The following CCDC126 variants were observed in gnomAD, a reference collection of about 807,000 sequenced individuals.
The protein encoded by CCDC126 is coiled-coil domain containing 126.
A neutral mutation model predicts 11.7 loss-of-function variants in CCDC126; 5 were observed. The ratio of observed to expected loss-of-function variants is 0.43; its 90% CI spans 0.22 to 0.90. The LOEUF (loss-of-function observed/expected upper bound fraction) is 0.90. Among genes scored for constraint, CCDC126 ranks in the 40% least tolerant of loss-of-function variants. The pLI is 0.27. For synonymous variants in CCDC126, 60 were observed against 61.9 expected, an observed-to-expected ratio of 0.97 and a Z score of 0.14; for missense variants, 150 against 163.1, an observed-to-expected ratio of 0.92 and a Z score of 0.44.
intron 3 of CCDC126, among the ~76,000 whole-genome samples, chr7:23,637,474 G>GT: frequency 1.0e-5 from 1 of 98,262 alleles, no homozygotes; most frequent in Non-Finnish European, 2.0e-5. Context: ...CATCCGGGAG[G>GT]GAGGTGGGGG....
At chr7:23,606,932 A>T (rs557479036) in intron 2 of CCDC126, among the ~76,000 whole-genome samples, 119 of 152,088 alleles carry the variant, frequency 7.8e-4, no homozygotes, top group Middle Eastern at 3.4e-3. Context: ...CCCTCTAAAA[A>T]AAAAAAAGTA....
intron 3 of CCDC126, among the ~76,000 whole-genome samples, chr7:23,633,684 G>T (rs1306599900): frequency 6.6e-6 from 1 of 152,018 alleles, no homozygotes; most frequent in Non-Finnish European, 1.5e-5. Context: ...GCAACATGGC[G>T]AAACCTTGTC....
intron 2 of CCDC126, among the ~76,000 whole-genome samples, chr7:23,599,513 T>C (rs1376443337): frequency 6.6e-6 from 1 of 152,030 alleles, no homozygotes; most frequent in Admixed American, 6.6e-5. Flanking sequence ...TTGTTGTTTT[T>C]TTTTTTTGAG....
intron 3 of CCDC126, among the ~76,000 whole-genome samples, chr7:23,618,735 A>G (rs1223212961): frequency 6.6e-6 from 1 of 151,408 alleles, no homozygotes; most frequent in African/African-American, 2.4e-5. Flanking sequence ...GTTTTTTAGT[A>G]GAGATGAGGT....
chr7:23,639,178 CA>C (rs1171082610), intron 3 of CCDC126, among the ~76,000 whole-genome samples: 6 of 149,780 alleles, frequency 4.0e-5, no homozygotes, highest in Non-Finnish European at 7.4e-5. Context: ...AATTGGCTAA[CA>C]TTTTTTTTAT....
intron 3 of CCDC126, among the ~76,000 whole-genome samples, chr7:23,636,777 G>A (rs1266355868): frequency 4.9e-5 from 7 of 141,944 alleles, no homozygotes; most frequent in Admixed American, 1.4e-4. Flanking sequence ...GGTGGGGGGG[G>A]GGTCAGCCCC....
intron 3 of CCDC126, among the ~76,000 whole-genome samples, chr7:23,632,413 C>T (rs1783131919): frequency 6.6e-6 from 1 of 152,098 alleles, no homozygotes; most frequent in Non-Finnish European, 1.5e-5. Context: ...GGCATTTATT[C>T]CAAAGATGCA....
At chr7:23,637,112 T>C (rs1783243604) in intron 3 of CCDC126, among the ~76,000 whole-genome samples, 2 of 80,976 alleles carry the variant, frequency 2.5e-5, no homozygotes, top group Non-Finnish European at 2.5e-5. Context: ...AGCCGCCCCG[T>C]CCGGGAGGTG....
chr7:23,638,109 G>A (rs1316029675), intron 3 of CCDC126, among the ~76,000 whole-genome samples: 2 of 141,012 alleles, frequency 1.4e-5, no homozygotes, highest in Non-Finnish European at 3.1e-5. Flanking sequence ...TCAGCCCCCC[G>A]CCCGGCCAGC....
rs1436402008 is a variant in CCDC126 at position 23,636,586 on chromosome 7, G to A, written c.239-6345G>A. The stretch of plus-strand genomic sequence containing the variant: ...TGGGAGGTGAGGAGCGTCTCTGCCC[G>A]GCCGCCCCGTCTGAGAAGTGAGGAA... On this transcript the variant is annotated intron_variant, in intron 3 of 3. Transcript: ENST00000307471. Among the ~76,000 whole-genome samples the A allele has an allele frequency of 5.5e-5, 7 of 127,868 alleles. No individual in the cohort carries two copies. In the East Asian group the frequency reaches 7.3e-4, roughly 13 times the overall value. The allele number at this position is 127,868 out of a possible 152,430, so 83.9% of individuals were successfully genotyped here. A position where few individuals can be genotyped will look rare whatever the true frequency, so the allele number is the denominator to read the frequency against.
intron 3 of CCDC126, chr7:23,622,506 T>A (rs1782931506): frequency 2.1e-6 from 1 of 467,422 alleles, no homozygotes; most frequent in Middle Eastern, 4.7e-4. Flanking sequence ...AAAGCGAAAC[T>A]GGATTTAGTG....
chr7:23,600,017 T>G (rs1372731686), intron 2 of CCDC126, among the ~76,000 whole-genome samples: 1 of 152,198 alleles, frequency 6.6e-6, no homozygotes, highest in Non-Finnish European at 1.5e-5. Context: ...ATGCCTGACC[T>G]CAAGTGATCC....
chr7:23,629,206 T>C (rs922678313), intron 3 of CCDC126, among the ~76,000 whole-genome samples: 9 of 152,202 alleles, frequency 5.9e-5, no homozygotes, highest in African/African-American at 2.2e-4. Flanking sequence ...TATTAGAAGG[T>C]GGCGTCTTTG....
chr7:23,623,260 C>A lies in CCDC126; in HGVS notation c.238+11707C>A, dbSNP rs148405344. On this transcript the variant is annotated intron_variant, in intron 3 of 3. Coordinates refer to ENST00000307471, the MANE Select transcript of CCDC126 (RefSeq NM_138771.4). ...TGCAGGCATGAGCCACTGTGCCTGG[C>A]CTGCTCACTTTTTGATGCTGTTTTG... Among the ~76,000 whole-genome samples, 854 of 151,878 alleles carry A rather than the reference C, an allele frequency of 5.6e-3. 11 individuals are homozygous for A. Among genetic ancestry groups the A allele is most frequent in the African/African-American group, 0.02 (824 of 41,386 alleles).
intron 3 of CCDC126, among the ~76,000 whole-genome samples, chr7:23,638,714 A>T (rs1397119685): frequency 3.4e-5 from 3 of 88,044 alleles, no homozygotes; most frequent in South Asian, 5.1e-4. Flanking sequence ...ATGATCAATA[A>T]AAAAAAAAAA....
At position 23,643,039 on chromosome 7, in the gene CCDC126, C is replaced by A; in HGVS notation, c.347C>A (p.Thr116Asn). Residue 116 changes from threonine (T) to asparagine (N), a missense_variant, in exon 4 of 4, where the codon ACC becomes AAC. Coordinates refer to ENST00000307471, the MANE Select transcript of CCDC126 (RefSeq NM_138771.4). ...YIVVNGSAAN[T>N]TNGTSGNLVP... ...GTTGTGAATGGCTCAGCAGCCAACA[C>A]CACCAATGGTACTAGTGGGAATTTG... 6.2e-7 allele frequency: 1 copy of A among 1,614,102 alleles called. No homozygotes were observed. The highest frequency in any genetic ancestry group is 2.2e-5 in the East Asian group (1 of 44,876).
At chr7:23,619,478 C>G (rs1378831088) in intron 3 of CCDC126, 1 of 384,278 alleles carries the variant, frequency 2.6e-6, no homozygotes, top group East Asian at 7.8e-5. Context: ...AGAGAAGTTC[C>G]CCAACACCCT....
Position 23,643,097 on chromosome 7 carries a change from C to T in CCDC126, c.405C>T (p.Val135=), listed in dbSNP as rs1315656935. Residue 135 remains valine, a synonymous_variant, in exon 4 of 4, where the codon GTC becomes GTT. Transcript: ENST00000307471. The part of the protein sequence containing the change: ...VPVTTNKRTN[V]SGSIR ...TAACCACAAATAAAAGAACGAATGT[C>T]TCGGGCAGTATCAGATAGCAGTTGA... 21 of 1,613,948 alleles carry T rather than the reference C, an allele frequency of 1.3e-5. No individual in the cohort carries two copies. The highest frequency in any genetic ancestry group is 1.8e-5 in the Non-Finnish European group (21 of 1,179,922).
intron 3 of CCDC126, among the ~76,000 whole-genome samples, chr7:23,621,168 C>G (rs11978400): frequency 0.18 from 27,937 of 152,010 alleles, 2,921 homozygotes; most frequent in Non-Finnish European, 0.25. Context: ...ATTACCTTGG[C>G]CAGTATGGCC....
Sources: allele counts gnomAD v4.1 joint callset (sites outside exome capture counted in the v4.1 genomes callset), GRCh38; gene constraint gnomAD v4.1.1; transcripts MANE v1.5; gene names NCBI Gene and HGNC (gene_info 2026-07-23, HGNC 2026-07-21).